The following IQSEC3 variants were observed in gnomAD, a reference collection of about 807,000 sequenced individuals.
The protein encoded by IQSEC3 is IQ motif and Sec7 domain ArfGEF 3.
A neutral mutation model predicts 105.4 loss-of-function variants in IQSEC3; 50 were observed. The ratio of observed to expected loss-of-function variants is 0.47; its 90% CI spans 0.38 to 0.60. The LOEUF (loss-of-function observed/expected upper bound fraction) is 0.60. IQSEC3 is among the 20% of genes least tolerant of loss of function. The pLI is 0.00. For missense variants in IQSEC3, 1,415 were observed against 1,630.0 expected, an observed-to-expected ratio of 0.87 and a Z score of 2.27; for synonymous variants, 708 against 746.0, an observed-to-expected ratio of 0.95 and a Z score of 0.83.
intron 2 of IQSEC3, among the ~76,000 whole-genome samples, chr12:105,647 G>A (rs1864623578): frequency 6.6e-6 from 1 of 152,188 alleles, no homozygotes; most frequent in Non-Finnish European, 1.5e-5. Flanking sequence ...GATTCAGGAG[G>A]CATAAAAACC....
At chr12:71,786 C>T (rs1202760358) in intron 1 of IQSEC3, among the ~76,000 whole-genome samples, 14 of 152,276 alleles carry the variant, frequency 9.2e-5, no homozygotes, top group Non-Finnish European at 1.8e-4. Context: ...GAGGTGGCAT[C>T]GTATGGCCCA....
intron 2 of IQSEC3, among the ~76,000 whole-genome samples, chr12:107,114 C>T (rs79514785): frequency 7.9e-4 from 121 of 152,314 alleles, no homozygotes; most frequent in African/African-American, 2.9e-3. Flanking sequence ...TTGCTGTCTC[C>T]AGCAGGGACA....
Position 138,409 on chromosome 12 carries a change from G to GGCGGATCTCCCTGCGCAAGGT in IQSEC3, c.1051_1071dup (p.Ile351_Arg357dup). 1 of 1,609,640 alleles carries GGCGGATCTCCCTGCGCAAGGT rather than the reference G, an allele frequency of 6.2e-7. No homozygotes were observed. Among genetic ancestry groups the GGCGGATCTCCCTGCGCAAGGT allele is most frequent in the Non-Finnish European group, 8.5e-7 (1 of 1,179,840 alleles). ...TCGCTTCTGGAGAGCCGCCTGCCACGGCGGATCTCCCTGCGCAAGGTGCGG... is the reference window on the plus strand; with the variant it reads ...TCGCTTCTGGAGAGCCGCCTGCCACGGCGGATCTCCCTGCGCAAGGTGCGGATCTCCCTGCGCAAGGTGCGG... On this transcript the variant is annotated inframe_insertion, in exon 4 of 14. Transcript: ENST00000538872. The surrounding 1 kb of genome is among the most constrained non-coding windows in gnomAD (Gnocchi z 7.1).
chr12:169,791 G>C (rs903103848), intron 12 of IQSEC3, among the ~76,000 whole-genome samples: 2 of 152,200 alleles, frequency 1.3e-5, no homozygotes, highest in African/African-American at 4.8e-5. Context: ...GAGCATGAGG[G>C]GAGATGCATG....
At chr12:94,173 C>G (rs78117611) in intron 1 of IQSEC3, among the ~76,000 whole-genome samples, 6,006 of 152,288 alleles carry the variant, frequency 0.039, 171 homozygotes, top group Non-Finnish European at 0.06. Flanking sequence ...ATCACTATAC[C>G]AGGCACTGAT....
chr12:146,905 A>G (rs573434993), intron 5 of IQSEC3, among the ~76,000 whole-genome samples: 2 of 151,892 alleles, frequency 1.3e-5, no homozygotes, highest in Admixed American at 6.6e-5. Context: ...TCACCTCTCC[A>G]CTCTCTCCTG....
intron 1 of IQSEC3, among the ~76,000 whole-genome samples, chr12:84,084 A>C (rs782798605): frequency 6.4e-4 from 97 of 152,312 alleles, no homozygotes; most frequent in Middle Eastern, 3.4e-3. Flanking sequence ...TCCTCACTGT[A>C]AGAGGAGTCC....
intron 7 of IQSEC3, among the ~76,000 whole-genome samples, 184 bp downstream of exon 7, chr12:157,878 G>A (rs1555095000): frequency 6.6e-6 from 1 of 152,240 alleles, no homozygotes. Context: ...CCGGCATGCA[G>A]CCTGCCACCG....
chr12:140,500 C>T (rs1555088805), intron 4 of IQSEC3: 2 of 152,222 alleles, frequency 1.3e-5, no homozygotes, highest in African/African-American at 4.8e-5. Context: ...TAGTGAAGAA[C>T]CAGTTTTGTT....
chr12:133,517 G>A (rs900690289), intron 3 of IQSEC3, among the ~76,000 whole-genome samples: 2 of 152,258 alleles, frequency 1.3e-5, no homozygotes, highest in East Asian at 3.8e-4. Flanking sequence ...GGTTGGCCTT[G>A]GATGAGTTTA....
At chr12:69,294 C>T (rs544518548) in intron 1 of IQSEC3, among the ~76,000 whole-genome samples, 2 of 152,384 alleles carry the variant, frequency 1.3e-5, no homozygotes, top group African/African-American at 4.8e-5. Context: ...TAGCCATAGC[C>T]TTCAGAGTGG....
At chr12:114,086 G>A (rs781804613) in intron 2 of IQSEC3, among the ~76,000 whole-genome samples, 2 of 152,200 alleles carry the variant, frequency 1.3e-5, no homozygotes, top group African/African-American at 2.4e-5. Context: ...TTCTTAGGGT[G>A]TTTGGCAGGA....
intron 5 of IQSEC3, chr12:148,205 A>C (rs1866359418): frequency 1.3e-5 from 2 of 152,158 alleles, no homozygotes; most frequent in Non-Finnish European, 2.9e-5. Context: ...CAGTGCTTCC[A>C]AAAGGTGGTC....
intron 3 of IQSEC3, among the ~76,000 whole-genome samples, chr12:128,220 C>G (rs1332342703): frequency 3.9e-5 from 6 of 152,132 alleles, no homozygotes; most frequent in African/African-American, 1.5e-4. Context: ...GTGTCCCCGT[C>G]ACAGCCCTTC....
intron 1 of IQSEC3, among the ~76,000 whole-genome samples, chr12:92,465 G>A (rs1439523335): frequency 3.3e-5 from 5 of 152,154 alleles, no homozygotes; most frequent in East Asian, 1.9e-4. Flanking sequence ...TCCCAGGCTC[G>A]TGCTGTGAGG....
intron 1 of IQSEC3, among the ~76,000 whole-genome samples, chr12:80,042 C>T (rs1456250751): frequency 1.3e-5 from 2 of 152,164 alleles, no homozygotes; most frequent in Non-Finnish European, 2.9e-5. Flanking sequence ...CACTGTATGG[C>T]TGTGAAGCTA....
Position 91,735 on chromosome 12 carries a change from C to T in IQSEC3, c.555-7411C>T, listed in dbSNP as rs190233676. 5.3e-5 allele frequency among the ~76,000 whole-genome samples: 8 copies of T among 152,116 alleles called. No individual in the cohort carries two copies. In the East Asian group the frequency reaches 5.8e-4, roughly 11 times the overall value. ...GTTGGAGGTTGCAGTGAGCTGAGATCGTGCCACTGCACTCCAGGCTGGGCG... is the reference window on the plus strand; with the variant it reads ...GTTGGAGGTTGCAGTGAGCTGAGATTGTGCCACTGCACTCCAGGCTGGGCG... On this transcript the variant is annotated intron_variant, in intron 1 of 13. Transcript: ENST00000538872.
At chr12:73,475 A>C (rs1447495609) in intron 1 of IQSEC3, among the ~76,000 whole-genome samples, 2 of 152,250 alleles carry the variant, frequency 1.3e-5, no homozygotes, top group African/African-American at 2.4e-5. Flanking sequence ...GGAGTTTGAG[A>C]CCAGCCTGGC....
chr12:149,542 C>T (rs1342331562), intron 5 of IQSEC3, among the ~76,000 whole-genome samples: 8 of 152,090 alleles, frequency 5.3e-5, no homozygotes, highest in Admixed American at 3.9e-4. Context: ...TCATCTCTCA[C>T]TCACTCATTC....
Sources: allele counts gnomAD v4.1 joint callset (sites outside exome capture counted in the v4.1 genomes callset), GRCh38; gene constraint gnomAD v4.1.1; non-coding constraint Gnocchi (gnomAD v3.1); transcripts MANE v1.5; gene names NCBI Gene and HGNC (gene_info 2026-07-23, HGNC 2026-07-21).